The following TBCK variants were observed in gnomAD, a reference collection of about 807,000 sequenced individuals.
TBCK encodes the protein TBC1 domain containing kinase.
In TBCK, 99 loss-of-function variants were observed where a neutral mutation model predicts 113.4. The ratio of observed to expected loss-of-function variants is 0.87; its 90% CI spans 0.74 to 1.03. TBCK has a LOEUF of 1.03. Among genes scored for constraint, TBCK ranks in the 50% least tolerant of loss-of-function variants. The pLI, the probability that TBCK is intolerant of heterozygous loss-of-function variation, is 0.00. For synonymous variants in TBCK, 369 were observed against 370.8 expected, an observed-to-expected ratio of 1.00 and a Z score of 0.05; for missense variants, 1,045 against 1,061.3, an observed-to-expected ratio of 0.98 and a Z score of 0.21.
intron 25 of TBCK, among the ~76,000 whole-genome samples, chr4:106,058,897 A>G (rs547593307): frequency 8.6e-5 from 13 of 151,874 alleles, no homozygotes; most frequent in African/African-American, 2.9e-4. Flanking sequence ...AAGTCTTTCA[A>G]TAAGTCAGGT....
intron 23 of TBCK, among the ~76,000 whole-genome samples, chr4:106,121,784 T>C (rs1430487266): frequency 6.6e-5 from 10 of 152,116 alleles, no homozygotes; most frequent in Non-Finnish European, 5.9e-5. Flanking sequence ...ACTGGATACA[T>C]GACGAAATGA....
At chr4:106,215,290 C>T (rs571768526) in intron 19 of TBCK, among the ~76,000 whole-genome samples, 4 of 151,714 alleles carry the variant, frequency 2.6e-5, no homozygotes, top group Non-Finnish European at 4.4e-5. Context: ...ATCGAGACTA[C>T]GAAGAAACTG....
intron 20 of TBCK, among the ~76,000 whole-genome samples, chr4:106,195,915 TTC>T (rs1264602047): frequency 6.6e-6 from 1 of 152,064 alleles, no homozygotes; most frequent in Non-Finnish European, 1.5e-5. Flanking sequence ...CTCCTATTGG[TTC>T]TGTTTCTCTA....
At chr4:106,242,422 A>C in intron 12 of TBCK, 48 bp downstream of exon 12, 1 of 1,415,074 alleles carries the variant, frequency 7.1e-7, no homozygotes, top group Non-Finnish European at 9.7e-7. Context: ...GTAAGGTTTT[A>C]ATTAAAGAAA....
At chr4:106,257,325 AATG>A (rs1266866055) in intron 5 of TBCK, among the ~76,000 whole-genome samples, 1 of 152,168 alleles carries the variant, frequency 6.6e-6, no homozygotes, top group African/African-American at 2.4e-5. Flanking sequence ...GTCCTCTTAC[AATG>A]ATAAGTATAA....
intron 22 of TBCK, among the ~76,000 whole-genome samples, chr4:106,187,722 T>C (rs551729010): frequency 6.6e-6 from 1 of 152,284 alleles, no homozygotes; most frequent in East Asian, 1.9e-4. Context: ...CCATCTATGA[T>C]TTCTTTAAGC....
At chr4:106,221,393 T>A (rs1470657073) in intron 19 of TBCK, among the ~76,000 whole-genome samples, 1 of 152,098 alleles carries the variant, frequency 6.6e-6, no homozygotes, top group Non-Finnish European at 1.5e-5. Context: ...AAGTTATATG[T>A]TATATATCAC....
chr4:106,295,745 A>T (rs1579548988), intron 2 of TBCK, among the ~76,000 whole-genome samples: 1 of 152,256 alleles, frequency 6.6e-6, no homozygotes, highest in East Asian at 1.9e-4. Context: ...GACTGTCCCA[A>T]AACTTAACTA....
Position 106,113,857 on chromosome 4 carries a change from TA to T in TBCK, c.2411+2345del, listed in dbSNP as rs1350602406. Among the ~76,000 whole-genome samples, 3 of 152,196 alleles carry T rather than the reference TA, an allele frequency of 2.0e-5. No homozygotes were observed. In the East Asian group the frequency reaches 5.8e-4, roughly 29 times the overall value. On this transcript the variant is annotated intron_variant, in intron 24 of 25. Coordinates refer to ENST00000394708, the MANE Select transcript of TBCK (RefSeq NM_001163435.3). ...CTCTCTATTGGGCCCATCTCTTAGA[TA>T]CGCCTTTCTTCAGCCCTATTATTTA... is the stretch of plus-strand genomic sequence containing the variant.
chr4:106,258,351 A>G (rs1024999152), intron 5 of TBCK, among the ~76,000 whole-genome samples: 4 of 152,026 alleles, frequency 2.6e-5, no homozygotes, highest in Admixed American at 6.5e-5. Context: ...GTAACATTTT[A>G]CTTTGTTGTT....
At chr4:106,186,591 C>T (rs1479750481) in intron 22 of TBCK, among the ~76,000 whole-genome samples, 1 of 151,798 alleles carries the variant, frequency 6.6e-6, no homozygotes, top group African/African-American at 2.4e-5. Flanking sequence ...TTTGTGTTTT[C>T]CTTGTTGGTT....
chr4:106,235,188 A>G, intron 15 of TBCK, 81 bp downstream of exon 15: 2 of 867,044 alleles, frequency 2.3e-6, no homozygotes, highest in Middle Eastern at 2.3e-4. Flanking sequence ...AACTAGAAAA[A>G]TATATATTTG....
intron 22 of TBCK, among the ~76,000 whole-genome samples, chr4:106,184,093 T>C (rs1246324673): frequency 6.6e-6 from 1 of 152,058 alleles, no homozygotes; most frequent in Admixed American, 6.6e-5. Context: ...CAGGAAACTT[T>C]AGACTCTGAC....
At chr4:106,101,397 C>T (rs565408966) in intron 24 of TBCK, among the ~76,000 whole-genome samples, 2 of 152,118 alleles carry the variant, frequency 1.3e-5, no homozygotes, top group Non-Finnish European at 2.9e-5. Context: ...ATAGATTGAA[C>T]CTAAGCCCAA....
intron 25 of TBCK, among the ~76,000 whole-genome samples, chr4:106,091,887 AATTGGTCTGTTTTACAGAGAGCTG>A (rs1740292530): frequency 6.6e-6 from 1 of 152,158 alleles, no homozygotes; most frequent in Admixed American, 6.5e-5. Context: ...ACAGAGAGCT[AATTGGTCTGTTTTACAGAGAGCTG>A]ATTGGTCTGT....
intron 23 of TBCK, among the ~76,000 whole-genome samples, chr4:106,153,715 A>G (rs1200512300): frequency 2.0e-5 from 3 of 152,044 alleles, no homozygotes; most frequent in Non-Finnish European, 4.4e-5. Context: ...CTTTAGTGCT[A>G]ATAAGTTGGG....
chr4:106,048,818 G>T (rs1287331417), intron 25 of TBCK, among the ~76,000 whole-genome samples: 1 of 152,112 alleles, frequency 6.6e-6, no homozygotes, highest in Non-Finnish European at 1.5e-5. Flanking sequence ...TTCTGTTATT[G>T]TAAGGAAGTC....
chr4:106,157,439 C>T (rs1010105368), intron 23 of TBCK, among the ~76,000 whole-genome samples: 25 of 152,140 alleles, frequency 1.6e-4, no homozygotes, highest in African/African-American at 5.8e-4. Context: ...GTCCTTGTGG[C>T]CTACACTGCC....
intron 19 of TBCK, among the ~76,000 whole-genome samples, chr4:106,216,129 C>T (rs1490532378): frequency 5.9e-5 from 9 of 152,028 alleles, no homozygotes; most frequent in African/African-American, 2.2e-4. Flanking sequence ...GGGTACGTAA[C>T]GAAATGAAGG....
Sources: gnomAD v4.1 joint callset for allele counts (sites outside exome capture counted in the v4.1 genomes callset) on GRCh38, gnomAD v4.1.1 for gene constraint, MANE v1.5 for transcripts, NCBI Gene and HGNC (gene_info 2026-07-23, HGNC 2026-07-21) for gene names.